The following MDGA2 variants were observed in gnomAD, a reference collection of about 807,000 sequenced individuals.
MDGA2 encodes MAM domain-containing glycosylphosphatidylinositol anchor protein 2.
MDGA2 carries 40 observed loss-of-function variants against 117.8 expected under a neutral mutation model. That is an observed-to-expected ratio of 0.34 (90% CI 0.26 to 0.44). The LOEUF is 0.44. MDGA2 is among the 20% of genes least tolerant of loss of function. The pLI is 1.00. For synonymous variants in MDGA2, 452 were observed against 439.0 expected, an observed-to-expected ratio of 1.03 and a Z score of -0.37; for missense variants, 1,123 against 1,250.6, an observed-to-expected ratio of 0.90 and a Z score of 1.54.
rs544593474 is a variant in MDGA2, at chr14:46,954,180, C to T, written c.2089+3194G>A. Among the ~76,000 whole-genome samples, 5 of 151,970 alleles carry T rather than the reference C, an allele frequency of 3.3e-5. No individual in the cohort carries two copies. In the South Asian group the frequency reaches 1.0e-3, roughly 32 times the overall value. ...CAGTTGTAAGCTTATTCCAGTTAGC[C>T]CTTTAGGTGGCAAAAGCAACCCCTT... On this transcript the variant is annotated intron_variant, in intron 9 of 16. Coordinates refer to ENST00000399232, the MANE Select transcript of MDGA2 (RefSeq NM_001113498.3).
Position 47,134,385 on chromosome 14 carries a change from A to AT in MDGA2, c.793-2540dup, listed in dbSNP as rs1341106290. 1.2e-4 allele frequency among the ~76,000 whole-genome samples: 18 copies of AT among 152,262 alleles called. 1 individual carries two copies. In the South Asian group the frequency reaches 2.1e-3, roughly 18 times the overall value. On this transcript the variant is annotated intron_variant, in intron 4 of 16. Coordinates refer to ENST00000399232, the MANE Select transcript of MDGA2 (RefSeq NM_001113498.3). ...ACTGGTATAAACTCAATATAATTAA[A>AT]TGAGTAAAATATAATCAGAGCCTAA...
intron 1 of MDGA2, among the ~76,000 whole-genome samples, chr14:47,639,468 G>C (rs1005889737): frequency 6.6e-6 from 1 of 151,994 alleles, no homozygotes; most frequent in Non-Finnish European, 1.5e-5. Flanking sequence ...TCTAAGAAAT[G>C]AGCCCTCCTT....
intron 1 of MDGA2, among the ~76,000 whole-genome samples, chr14:47,432,978 A>C (rs1039272402): frequency 2.4e-4 from 36 of 152,064 alleles, no homozygotes; most frequent in African/African-American, 8.4e-4. Flanking sequence ...AACTGTGTCA[A>C]ATACTGGGAC....
intron 1 of MDGA2, among the ~76,000 whole-genome samples, chr14:47,400,011 T>C (rs866550323): frequency 3.3e-5 from 5 of 152,164 alleles, no homozygotes; most frequent in African/African-American, 1.2e-4. Flanking sequence ...CTTCCCTTTT[T>C]CCCCTGACAA....
chr14:46,906,267 AATGAG>A (rs1484254739), intron 10 of MDGA2, among the ~76,000 whole-genome samples: 3 of 151,728 alleles, frequency 2.0e-5, no homozygotes, highest in East Asian at 1.9e-4. Context: ...CTTTTCTTAA[AATGAG>A]ATGAGTCCTT....
intron 2 of MDGA2, among the ~76,000 whole-genome samples, chr14:47,227,174 C>T (rs1886534997): frequency 6.6e-6 from 1 of 152,102 alleles, no homozygotes; most frequent in Admixed American, 6.6e-5. Flanking sequence ...TATGTTACCT[C>T]ACTAGGACTT....
At chr14:46,959,829 C>T (rs1239364253) in intron 8 of MDGA2, among the ~76,000 whole-genome samples, 1 of 152,152 alleles carries the variant, frequency 6.6e-6, no homozygotes, top group Admixed American at 6.5e-5. Context: ...CCTTATTATA[C>T]TACTGAAGAA....
chr14:47,415,915 G>A (rs554197280), intron 1 of MDGA2, among the ~76,000 whole-genome samples: 7 of 152,214 alleles, frequency 4.6e-5, no homozygotes, highest in African/African-American at 1.2e-4. Flanking sequence ...GCATGACTTC[G>A]TCATCTGTTA....
intron 1 of MDGA2, among the ~76,000 whole-genome samples, chr14:47,453,185 T>C (rs998081473): frequency 5.3e-5 from 8 of 151,958 alleles, no homozygotes; most frequent in African/African-American, 1.4e-4. Context: ...GTCAAAAGAG[T>C]AACTTTAAGT....
intron 2 of MDGA2, among the ~76,000 whole-genome samples, chr14:47,267,688 A>T (rs912327672): frequency 5.9e-5 from 9 of 152,288 alleles, no homozygotes; most frequent in African/African-American, 2.2e-4. Flanking sequence ...TAGAAAACAC[A>T]ATCTTCCTCA....
intron 1 of MDGA2, among the ~76,000 whole-genome samples, chr14:47,373,498 T>C (rs1236481582): frequency 1.3e-5 from 2 of 152,076 alleles, no homozygotes; most frequent in Admixed American, 6.6e-5. Flanking sequence ...TACTAATACA[T>C]GATACAGCAT....
chr14:47,579,907 T>C (rs1201865407), intron 1 of MDGA2, among the ~76,000 whole-genome samples: 3 of 152,108 alleles, frequency 2.0e-5, no homozygotes, highest in African/African-American at 7.2e-5. Context: ...ATACCCATTA[T>C]TAGTATTATT....
intron 6 of MDGA2, among the ~76,000 whole-genome samples, chr14:47,096,362 T>C (rs549867669): frequency 5.3e-5 from 8 of 152,042 alleles, no homozygotes; most frequent in South Asian, 2.1e-4. Flanking sequence ...ACTATTGATA[T>C]ATATTATTTT....
intron 1 of MDGA2, among the ~76,000 whole-genome samples, chr14:47,667,916 C>G (rs984623705): frequency 2.0e-5 from 3 of 152,192 alleles, no homozygotes; most frequent in Non-Finnish European, 2.9e-5. Flanking sequence ...TGAGCAGGAA[C>G]AGCAAGAAAC....
At chr14:47,637,849 C>G (rs1226732321) in intron 1 of MDGA2, among the ~76,000 whole-genome samples, 1 of 152,160 alleles carries the variant, frequency 6.6e-6, no homozygotes, top group Non-Finnish European at 1.5e-5. Context: ...GCTAATTGCA[C>G]AGCTCTGTTC....
rs1343622938 is a variant in MDGA2, at chr14:47,356,063, G to A, written c.281-54513C>T. On this transcript the variant is annotated intron_variant, in intron 1 of 16. Coordinates refer to ENST00000399232, the MANE Select transcript of MDGA2 (RefSeq NM_001113498.3). ...GACCAGCTCAGCCTGCATGGACAAGGCCTGGCCAAATGCTTCTAGGTATTC... is the reference window on the plus strand; with the variant it reads ...GACCAGCTCAGCCTGCATGGACAAGACCTGGCCAAATGCTTCTAGGTATTC... 2.6e-5 allele frequency among the ~76,000 whole-genome samples: 4 copies of A among 152,212 alleles called. No homozygotes were observed. The East Asian group carries it at 7.7e-4, about 29-fold the overall frequency.
chr14:47,567,751 A>C (rs114827199), intron 1 of MDGA2, among the ~76,000 whole-genome samples: 3,405 of 152,220 alleles, frequency 0.022, 115 homozygotes, highest in African/African-American at 0.078. Flanking sequence ...TGTTCCACTA[A>C]ACTAAGGCCT....
chr14:47,230,292 T>C (rs1886645145), intron 2 of MDGA2, among the ~76,000 whole-genome samples: 1 of 151,950 alleles, frequency 6.6e-6, no homozygotes, highest in African/African-American at 2.4e-5. Flanking sequence ...AGCACAATTA[T>C]AGAAAAATGG....
intron 3 of MDGA2, among the ~76,000 whole-genome samples, chr14:47,161,072 A>C (rs1292827891): frequency 6.6e-5 from 10 of 151,550 alleles, no homozygotes; most frequent in Admixed American, 5.9e-4. Context: ...TGTCATTTTT[A>C]TTTTTCTTTT....
Sources: allele counts gnomAD v4.1 joint callset (sites outside exome capture counted in the v4.1 genomes callset), GRCh38; gene constraint gnomAD v4.1.1; transcripts MANE v1.5; gene names NCBI Gene and HGNC (gene_info 2026-07-23, HGNC 2026-07-21).